The following GCNT2 variants were observed in gnomAD, a reference collection of about 807,000 sequenced individuals.
GCNT2 encodes N-acetyllactosaminide beta-1,6-N-acetylglucosaminyl-transferase.
In GCNT2, 34 loss-of-function variants were observed where a neutral mutation model predicts 34.2. The ratio of observed to expected loss-of-function variants is 1.00; its 90% confidence interval spans 0.76 to 1.32. The LOEUF is 1.32. GCNT2 is among the 40% of genes most tolerant of loss of function. The pLI is 0.00. For synonymous variants in GCNT2, 212 were observed against 188.0 expected, an observed-to-expected ratio of 1.13 and a Z score of -1.04; for missense variants, 584 against 489.4, an observed-to-expected ratio of 1.19 and a Z score of -1.82.
intron 3 of GCNT2, among the ~76,000 whole-genome samples, chr6:10,534,727 G>C (rs2113543956): frequency 6.6e-6 from 1 of 152,238 alleles, no homozygotes; most frequent in East Asian, 1.9e-4. Context: ...GTCAGGCGTG[G>C]TGGCATGCAC....
Position 10,529,373 on chromosome 6 carries a change from C to T in GCNT2, c.462C>T (p.Ser154=). The T allele has an allele frequency of 6.2e-7, 1 of 1,614,100 alleles. No individual in the cohort carries two copies. The highest frequency in any genetic ancestry group is 8.5e-7 in the Non-Finnish European group (1 of 1,180,032). ...GCTTCCCAAATGCTTTTCTGGCTTC[C>T]AAGAAGGAGTCGGTTGTCTATGGGG... is the stretch of plus-strand genomic sequence containing the variant. The part of the protein sequence containing the change: ...LSCFPNAFLA[S]KKESVVYGGI... Residue 154 remains serine (S), a synonymous_variant, in exon 3 of 5, where the codon TCC becomes TCT. Coordinates refer to ENST00000495262, the MANE Select transcript of GCNT2 (RefSeq NM_145649.5).
At chr6:10,579,748 G>A (rs1763979230) in intron 3 of GCNT2, among the ~76,000 whole-genome samples, 3 of 150,840 alleles carry the variant, frequency 2.0e-5, no homozygotes, top group Admixed American at 1.3e-4. Context: ...CCCGGAAGGC[G>A]GAGGTTGCAG....
chr6:10,539,525 C>T (rs1422155359), intron 3 of GCNT2, among the ~76,000 whole-genome samples: 1 of 152,014 alleles, frequency 6.6e-6, no homozygotes, highest in Non-Finnish European at 1.5e-5. Context: ...TGCCTCATTT[C>T]ACTGAGCCTG....
chr6:10,537,265 C>T (rs377714181), intron 3 of GCNT2, among the ~76,000 whole-genome samples: 5 of 152,298 alleles, frequency 3.3e-5, no homozygotes, highest in African/African-American at 1.2e-4. Flanking sequence ...TGAGTTTGTT[C>T]TTCGGGCATT....
At chr6:10,525,225 T>C (rs1055198342) in intron 1 of GCNT2, among the ~76,000 whole-genome samples, 1 of 152,062 alleles carries the variant, frequency 6.6e-6, no homozygotes, top group Non-Finnish European at 1.5e-5. Context: ...TTTATAAGAG[T>C]ATGTGTTATG....
At chr6:10,530,284 G>GA in intron 3 of GCNT2, 1 of 164,932 alleles carries the variant, frequency 6.1e-6, no homozygotes, top group Admixed American at 5.7e-5. Context: ...AGAATCGCTT[G>GA]AACCCAAGGG....
At chr6:10,539,648 G>C (rs1761948575) in intron 3 of GCNT2, among the ~76,000 whole-genome samples, 1 of 152,288 alleles carries the variant, frequency 6.6e-6, no homozygotes, top group East Asian at 1.9e-4. Flanking sequence ...TGGAGAGAGA[G>C]AGAGAAAACA....
intron 3 of GCNT2, among the ~76,000 whole-genome samples, chr6:10,580,023 T>G (rs542098801): frequency 2.0e-5 from 3 of 152,120 alleles, no homozygotes; most frequent in African/African-American, 7.2e-5. Flanking sequence ...TGCTTAGCTA[T>G]AAGAACATTT....
chr6:10,562,374 G>A (rs1287334050), intron 3 of GCNT2, among the ~76,000 whole-genome samples: 2 of 152,134 alleles, frequency 1.3e-5, no homozygotes, highest in East Asian at 3.9e-4. Context: ...TTTCCTGAGA[G>A]TTCCAGCGGC....
At chr6:10,555,604 A>T (rs1228600893) in intron 3 of GCNT2, 1 of 270,670 alleles carries the variant, frequency 3.7e-6, no homozygotes, top group Admixed American at 6.5e-5. Context: ...CAGTATTCTA[A>T]GACAAACACC....
chr6:10,545,619 A>G (rs1762234948), intron 3 of GCNT2, among the ~76,000 whole-genome samples: 2 of 152,216 alleles, frequency 1.3e-5, no homozygotes, highest in Admixed American at 6.5e-5. Flanking sequence ...AACAGTTTTC[A>G]TGAAGGGTAA....
At chr6:10,534,025 A>G (rs1175710381) in intron 3 of GCNT2, among the ~76,000 whole-genome samples, 1 of 149,680 alleles carries the variant, frequency 6.7e-6, no homozygotes, top group African/African-American at 2.5e-5. Flanking sequence ...GCCTGCTTCT[A>G]CTTTATTTGA....
rs1274683885 is a variant in GCNT2 at position 10,532,659 on chromosome 6, AGGT to A, written c.925+2824_925+2826del. ...GCTAACTTTAACTTTTGTAGAGACGAGGTCCTGCTGTGTTGCCAGTGCTGGTCT... is the reference window on the plus strand; with the variant it reads ...GCTAACTTTAACTTTTGTAGAGACGACCTGCTGTGTTGCCAGTGCTGGTCT... On this transcript the variant is annotated intron_variant, in intron 3 of 4. Transcript: ENST00000495262. Among the ~76,000 whole-genome samples, 5 of 152,200 alleles carry A rather than the reference AGGT, an allele frequency of 3.3e-5. No individual in the cohort carries two copies. The South Asian group carries it at 1.0e-3, about 32-fold the overall frequency.
intron 3 of GCNT2, chr6:10,585,891 G>T: frequency 6.3e-7 from 1 of 1,580,670 alleles, no homozygotes; most frequent in South Asian, 1.2e-5. Context: ...AGAAGCTGTC[G>T]AAATTCAAGA....
intron 3 of GCNT2, among the ~76,000 whole-genome samples, chr6:10,578,117 G>A (rs937015073): frequency 6.6e-6 from 1 of 151,984 alleles, no homozygotes; most frequent in Admixed American, 6.6e-5. Context: ...CTGGCCAGGC[G>A]CATTGGCTCA....
intron 3 of GCNT2, among the ~76,000 whole-genome samples, chr6:10,553,143 TATG>T (rs1762552587): frequency 6.6e-6 from 1 of 152,234 alleles, no homozygotes; most frequent in South Asian, 2.1e-4. Flanking sequence ...TCAGAACAAT[TATG>T]AGGGTGTAAT....
At chr6:10,615,583 C>T (rs143323380) in intron 3 of GCNT2, among the ~76,000 whole-genome samples, 9 of 152,206 alleles carry the variant, frequency 5.9e-5, no homozygotes, top group African/African-American at 1.2e-4. Flanking sequence ...AAAGGGATCC[C>T]GATCCAGACC....
chr6:10,556,147 G>C, intron 3 of GCNT2: 1 of 1,335,250 alleles, frequency 7.5e-7, no homozygotes, highest in Non-Finnish European at 9.6e-7. Flanking sequence ...ATGCAAACGG[G>C]GAGGCAGAGG....
chr6:10,569,274 C>CACACACACACACA (rs1491123758), intron 3 of GCNT2, among the ~76,000 whole-genome samples: 31 of 137,128 alleles, frequency 2.3e-4, no homozygotes, highest in South Asian at 4.7e-4. Flanking sequence ...CACACACACA[C>CACACACACACACA]CCCCTAGGTA....
Sources: gnomAD v4.1 joint callset for allele counts (sites outside exome capture counted in the v4.1 genomes callset) on GRCh38, gnomAD v4.1.1 for gene constraint, MANE v1.5 for transcripts, NCBI Gene and HGNC (gene_info 2026-07-23, HGNC 2026-07-21) for gene names.